SLC27A2: variants seen among roughly 807,000 people sequenced by gnomAD.
The protein encoded by SLC27A2 is solute carrier family 27 member 2, also known as long-chain fatty acid transport protein 2.
A neutral mutation model predicts 60.0 loss-of-function variants in SLC27A2; 54 were observed. The observed-to-expected ratio is 0.90, with a 90% CI of 0.72 to 1.13. SLC27A2 has a LOEUF of 1.13. Among genes scored for constraint, SLC27A2 ranks in the 50% most tolerant of loss-of-function variants. SLC27A2 has a pLI of 0.00. For missense variants in SLC27A2, 739 were observed against 777.6 expected, an observed-to-expected ratio of 0.95 and a Z score of 0.59; for synonymous variants, 297 against 297.6, an observed-to-expected ratio of 1.00 and a Z score of 0.02.
At chr15:50,199,504 A>G (rs2045048995) in intron 2 of SLC27A2, among the ~76,000 whole-genome samples, 1 of 152,084 alleles carries the variant, frequency 6.6e-6, no homozygotes, top group Non-Finnish European at 1.5e-5. Context: ...AAAGAAAAAA[A>G]AAGAAAACCC....
chr15:50,204,518 G>A (rs984367684), intron 3 of SLC27A2, among the ~76,000 whole-genome samples: 4 of 151,896 alleles, frequency 2.6e-5, no homozygotes, highest in African/African-American at 9.7e-5. Flanking sequence ...CAGATCACGA[G>A]GTCAGGAGAT....
intron 5 of SLC27A2, among the ~76,000 whole-genome samples, chr15:50,225,618 G>A (rs981442200): frequency 5.3e-5 from 8 of 152,090 alleles, no homozygotes; most frequent in Admixed American, 1.3e-4. Flanking sequence ...TAAATAAATC[G>A]TGGTATGTTT....
At chr15:50,194,415 T>C (rs2044997998) in intron 1 of SLC27A2, among the ~76,000 whole-genome samples, 1 of 151,886 alleles carries the variant, frequency 6.6e-6, no homozygotes, top group South Asian at 2.1e-4. Flanking sequence ...CATAGATCAA[T>C]GTGGTTAGAG....
chr15:50,189,604 G>T (rs76647602), intron 1 of SLC27A2, among the ~76,000 whole-genome samples: 3 of 152,132 alleles, frequency 2.0e-5, no homozygotes, highest in African/African-American at 7.2e-5. Context: ...CACTTTGCTG[G>T]CATATATGGG....
intron 9 of SLC27A2, among the ~76,000 whole-genome samples, chr15:50,234,493 A>G (rs2045337149): frequency 1.3e-5 from 2 of 151,014 alleles, no homozygotes; most frequent in African/African-American, 4.9e-5. Flanking sequence ...AGGCTGGGAC[A>G]GGAGAATCGC....
chr15:50,208,898 T>C (rs1167918934), intron 4 of SLC27A2, among the ~76,000 whole-genome samples: 1 of 152,240 alleles, frequency 6.6e-6, no homozygotes, highest in Non-Finnish European at 1.5e-5. Flanking sequence ...TCGGTTTTTG[T>C]AGTTGCCTAA....
rs201168380 is a variant in SLC27A2, at chr15:50,227,177, C to T, written c.1456C>T (p.Arg486Trp). 8.7e-6 allele frequency: 14 copies of T among 1,612,782 alleles called. No homozygotes were observed. The highest frequency in any genetic ancestry group is 4.0e-5 in the African/African-American group (3 of 74,920). ...CCACGACAGAGTTGGAGATACATTC[C>T]GGTTGGTTTTTCTGAATCATTGAGC... ...YFHDRVGDTFRWKGENVATTE... is the reference protein window; with the variant it reads ...YFHDRVGDTFWWKGENVATTE... Residue 486 changes from arginine (R) to tryptophan (W), a missense_variant and splice_region_variant, in exon 7 of 10, where the codon CGG (arginine) becomes TGG (tryptophan). Transcript: ENST00000267842.
At chr15:50,202,700 AG>A (rs2045074921) in intron 3 of SLC27A2, 55 bp downstream of exon 3, 2 of 1,582,516 alleles carry the variant, frequency 1.3e-6, no homozygotes, top group Non-Finnish European at 1.7e-6. Context: ...TTTTCCCAGA[AG>A]GAACAGTAAT....
At chr15:50,208,686 T>C (rs1284351184) in intron 4 of SLC27A2, among the ~76,000 whole-genome samples, 1 of 152,210 alleles carries the variant, frequency 6.6e-6, no homozygotes, top group Non-Finnish European at 1.5e-5. Context: ...ACATTCTACT[T>C]AGTTAATCAC....
intron 3 of SLC27A2, among the ~76,000 whole-genome samples, chr15:50,204,857 G>A (rs532843805): frequency 1.4e-5 from 2 of 147,292 alleles, no homozygotes; most frequent in South Asian, 4.2e-4. Flanking sequence ...ATGTATGTGT[G>A]TATATATATA....
At chr15:50,186,992 G>A (rs570408513) in intron 1 of SLC27A2, among the ~76,000 whole-genome samples, 1 of 152,316 alleles carries the variant, frequency 6.6e-6, no homozygotes, top group South Asian at 2.1e-4. Flanking sequence ...GTCAAATTCT[G>A]CAGTATATGT....
At position 50,182,418 on chromosome 15, in the gene SLC27A2, C is replaced by A. The variant is rs764896048; in HGVS notation, c.-10C>A. ...CTGCCCTCGCTGGGACAGAGGGCCC[C>A]GCAGCCGTCATGCTTTCCGCCATCT... is the stretch of plus-strand genomic sequence containing the variant. On this transcript the variant is annotated 5_prime_UTR_variant, in exon 1 of 10. Transcript: ENST00000267842. 3 of 1,582,062 alleles carry A rather than the reference C, an allele frequency of 1.9e-6. No homozygotes were observed. The highest frequency in any genetic ancestry group is 2.6e-6 in the Non-Finnish European group (3 of 1,161,376).
At chr15:50,228,904 A>C (rs2045296490) in intron 7 of SLC27A2, 41 bp from the exon 8 acceptor site, 87 of 1,399,456 alleles carry the variant, frequency 6.2e-5, no homozygotes, top group Non-Finnish European at 7.9e-5. Context: ...CCTGGGCCAG[A>C]AACCACCAGT....
chr15:50,208,479 A>G (rs151106171), intron 4 of SLC27A2, among the ~76,000 whole-genome samples: 1 of 152,336 alleles, frequency 6.6e-6, no homozygotes, highest in East Asian at 1.9e-4. Context: ...CATGGGGTCT[A>G]TGAAGACAAC....
intron 2 of SLC27A2, among the ~76,000 whole-genome samples, chr15:50,201,211 T>A (rs917133526): frequency 3.3e-5 from 5 of 152,164 alleles, no homozygotes; most frequent in Non-Finnish European, 7.3e-5. Context: ...GCTGAACTCC[T>A]GGGCTCAAGC....
Position 50,202,515 on chromosome 15 carries a change from T to C in SLC27A2, c.717T>C (p.His239=). The C allele has an allele frequency of 6.2e-7, 1 of 1,614,196 alleles. No homozygotes were observed. The highest frequency in any genetic ancestry group is 8.5e-7 in the Non-Finnish European group (1 of 1,180,020). ...TTCCAAAAGCAGCCATGATCACTCA[T>C]CAGCGCATATGGTATGGAACTGGCC... ...TGLPKAAMIT[H]QRIWYGTGLT... is the part of the protein sequence containing the mutation. Residue 239 remains histidine (H), a synonymous_variant, in exon 3 of 10, where the codon CAT becomes CAC. Transcript: ENST00000267842.
chr15:50,213,248 A>C (rs1219423588), intron 4 of SLC27A2, among the ~76,000 whole-genome samples: 1 of 152,226 alleles, frequency 6.6e-6, no homozygotes, highest in Non-Finnish European at 1.5e-5. Context: ...TCCAGCAGGA[A>C]AATATCACAA....
At chr15:50,195,964 G>C (rs1296995708) in intron 1 of SLC27A2, among the ~76,000 whole-genome samples, 1 of 146,050 alleles carries the variant, frequency 6.8e-6, no homozygotes, top group Non-Finnish European at 1.5e-5. Context: ...TGAGGCAGGA[G>C]AATGGCATGA....
At chr15:50,199,197 C>A (rs144023755) in intron 2 of SLC27A2, among the ~76,000 whole-genome samples, 102 of 152,224 alleles carry the variant, frequency 6.7e-4, no homozygotes, top group African/African-American at 2.3e-3. Flanking sequence ...TGTTACAATG[C>A]ATGTTTTCAC....
Sources: allele counts gnomAD v4.1 joint callset (sites outside exome capture counted in the v4.1 genomes callset), GRCh38; gene constraint gnomAD v4.1.1; transcripts MANE v1.5; gene names NCBI Gene and HGNC (gene_info 2026-07-23, HGNC 2026-07-21).